The following ACOXL variants were observed in gnomAD, a reference collection of about 807,000 sequenced individuals.
ACOXL encodes acyl-coenzyme A oxidase-like protein.
A neutral mutation model predicts 71.9 loss-of-function variants in ACOXL; 70 were observed. That is an observed-to-expected ratio of 0.97 (90% CI 0.80 to 1.19). ACOXL has a LOEUF of 1.19. ACOXL is among the 50% of genes most tolerant of loss of function. The pLI is 0.00. For missense variants in ACOXL, 703 were observed against 736.3 expected (o/e 0.95, Z 0.52); for synonymous variants, 253 against 281.6 (o/e 0.90, Z 1.02).
intron 17 of ACOXL, among the ~76,000 whole-genome samples, chr2:111,108,469 C>T (rs1451301462): frequency 6.9e-6 from 1 of 145,906 alleles, no homozygotes; most frequent in Non-Finnish European, 1.5e-5. Flanking sequence ...ACCTCTGCCT[C>T]CCAGGTTCAA....
At chr2:110,768,494 G>T (rs1237877763) in intron 2 of ACOXL, 30 bp downstream of exon 2, 2 of 1,103,760 alleles carry the variant, frequency 1.8e-6, no homozygotes, top group African/African-American at 3.4e-5. Context: ...TGGTATGGTT[G>T]TGTGTGTGTG....
chr2:110,971,696 G>A (rs566409844), intron 12 of ACOXL, among the ~76,000 whole-genome samples: 18 of 152,304 alleles, frequency 1.2e-4, no homozygotes, highest in African/African-American at 4.3e-4. Context: ...TTAGCTTTTA[G>A]CAATATCTAT....
At chr2:111,036,384 C>T (rs1312782458) in intron 15 of ACOXL, among the ~76,000 whole-genome samples, 1 of 152,162 alleles carries the variant, frequency 6.6e-6, no homozygotes, top group Non-Finnish European at 1.5e-5. Context: ...ACTGCCCCTG[C>T]TTCTGGCCCC....
chr2:110,992,908 A>C (rs1160119493), intron 13 of ACOXL, among the ~76,000 whole-genome samples: 1 of 152,204 alleles, frequency 6.6e-6, no homozygotes, highest in East Asian at 1.9e-4. Flanking sequence ...AAAATTTACA[A>C]ATATTCAGCA....
chr2:110,898,683 G>A (rs545897403), intron 10 of ACOXL, among the ~76,000 whole-genome samples: 5 of 152,292 alleles, frequency 3.3e-5, no homozygotes, highest in African/African-American at 9.6e-5. Flanking sequence ...CAGGAGTAAG[G>A]CAACGATGTC....
intron 1 of ACOXL, among the ~76,000 whole-genome samples, chr2:110,758,404 A>G (rs573437035): frequency 2.6e-5 from 4 of 152,258 alleles, no homozygotes; most frequent in African/African-American, 9.6e-5. Flanking sequence ...TGAATTTTAA[A>G]ATGATTTTTT....
intron 10 of ACOXL, among the ~76,000 whole-genome samples, chr2:110,893,679 G>T (rs927860428): frequency 6.6e-6 from 1 of 152,114 alleles, no homozygotes; most frequent in Admixed American, 6.6e-5. Flanking sequence ...TGCATACAAC[G>T]GAATATTAGG....
intron 16 of ACOXL, among the ~76,000 whole-genome samples, chr2:111,083,634 G>A (rs181246301): frequency 6.6e-6 from 1 of 151,448 alleles, no homozygotes; most frequent in Non-Finnish European, 1.5e-5. Flanking sequence ...CAGCTCCTCA[G>A]ACCATATCGC....
At chr2:110,927,442 C>G (rs1311703618) in intron 11 of ACOXL, among the ~76,000 whole-genome samples, 1 of 152,182 alleles carries the variant, frequency 6.6e-6, no homozygotes, top group East Asian at 1.9e-4. Flanking sequence ...CTACTGAGGC[C>G]TCCACACCTG....
chr2:110,927,452 G>T (rs535286611), intron 11 of ACOXL, among the ~76,000 whole-genome samples: 1 of 152,184 alleles, frequency 6.6e-6, no homozygotes, highest in Admixed American at 6.5e-5. Flanking sequence ...CTCCACACCT[G>T]TCCTGTGCTC....
chr2:110,806,503 C>T lies in ACOXL; in HGVS notation c.753+1108C>T, dbSNP rs557435106. Among the ~76,000 whole-genome samples, 139 of 152,258 alleles carry T rather than the reference C, an allele frequency of 9.1e-4. No homozygotes were observed. The Middle Eastern group carries it at 0.017, about 19-fold the overall frequency. ...AGAGTGCCGAGGAAAACTGGTTCCT[C>T]AGGTCTGCAACAGAAGCCATTTCAG... On this transcript the variant is annotated intron_variant, in intron 9 of 17. Transcript: ENST00000439055.
At chr2:110,811,357 A>G (rs1687293591) in intron 9 of ACOXL, among the ~76,000 whole-genome samples, 1 of 152,094 alleles carries the variant, frequency 6.6e-6, no homozygotes, top group South Asian at 2.1e-4. Context: ...GGTTGGTGGG[A>G]ACGGAAACCC....
chr2:110,929,005 A>G (rs1008166920), intron 11 of ACOXL, among the ~76,000 whole-genome samples: 1 of 152,192 alleles, frequency 6.6e-6, no homozygotes, highest in African/African-American at 2.4e-5. Context: ...AGCCTTGGGT[A>G]TGTCTTTATC....
intron 1 of ACOXL, among the ~76,000 whole-genome samples, chr2:110,759,582 T>C (rs1169519134): frequency 6.6e-6 from 1 of 152,186 alleles, no homozygotes; most frequent in Non-Finnish European, 1.5e-5. Context: ...CATGGATAGG[T>C]CTCTTGAAGA....
At chr2:110,777,927 GCT>G (rs1264031483) in intron 2 of ACOXL, among the ~76,000 whole-genome samples, 1 of 152,226 alleles carries the variant, frequency 6.6e-6, no homozygotes, top group East Asian at 1.9e-4. Flanking sequence ...GTTTCCAGTG[GCT>G]GCCTTCCTGC....
chr2:110,943,899 C>CT (rs11441633), intron 12 of ACOXL, among the ~76,000 whole-genome samples: 90,377 of 151,548 alleles, frequency 0.6, 27,456 homozygotes, highest in East Asian at 0.85. Flanking sequence ...TTTATTAGTG[C>CT]TTACGTGGAG....
intron 12 of ACOXL, among the ~76,000 whole-genome samples, chr2:110,956,026 C>T (rs920487586): frequency 4.0e-5 from 6 of 148,632 alleles, no homozygotes; most frequent in Non-Finnish European, 8.9e-5. Flanking sequence ...GCTATCTCTG[C>T]CTCCCAGGTT....
chr2:110,979,574 T>C (rs1389236892), intron 12 of ACOXL, among the ~76,000 whole-genome samples: 1 of 152,118 alleles, frequency 6.6e-6, no homozygotes, highest in East Asian at 1.9e-4. Context: ...AGTGGTGTGC[T>C]CCTGAGCTGG....
At chr2:111,011,637 C>G (rs2064162192) in intron 14 of ACOXL, among the ~76,000 whole-genome samples, 1 of 152,058 alleles carries the variant, frequency 6.6e-6, no homozygotes. Flanking sequence ...AGTTTCAGCA[C>G]TTTGGGAGGC....
Sources: gnomAD v4.1 joint callset for allele counts (sites outside exome capture counted in the v4.1 genomes callset) on GRCh38, gnomAD v4.1.1 for gene constraint, MANE v1.5 for transcripts, NCBI Gene and HGNC (gene_info 2026-07-23, HGNC 2026-07-21) for gene names.